Variants in NOS1 observed in about 807,000 individuals in gnomAD.
The protein encoded by NOS1 is NOS type I.
NOS1 carries 51 observed loss-of-function variants against 164.5 expected under a neutral mutation model. That is an observed-to-expected ratio of 0.31 (90% confidence interval 0.25 to 0.39). The LOEUF (loss-of-function observed/expected upper bound fraction) is 0.39, where lower values mean the gene tolerates loss of function less well. Among genes scored for constraint, NOS1 ranks in the 10% least tolerant of loss-of-function variants. The probability of loss-of-function intolerance (pLI) is 1.00; values close to 1 mark genes in which losing one functional copy is unlikely to be tolerated. For synonymous variants in NOS1, 719 were observed against 745.8 expected (o/e 0.96, Z 0.59); for missense variants, 1,362 against 1,885.6 (o/e 0.72, Z 5.14).
Position 117,211,283 on chromosome 12 carries a change from A to G in NOS1, c.*4026T>C. 2.0e-6 allele frequency: 2 copies of G among 985,236 alleles called. No homozygotes were observed. Among genetic ancestry groups the G allele is most frequent in the Non-Finnish European group, 2.4e-6 (2 of 829,960 alleles). The allele number at this position is 985,236 out of a possible 1,614,324, so 61.0% of individuals were successfully genotyped here. On this transcript the variant is annotated 3_prime_UTR_variant, in exon 29 of 29. Coordinates refer to ENST00000317775, the MANE Select transcript of NOS1 (RefSeq NM_000620.5). Reference sequence around the variant, plus strand: ...TGCAAGATGCTTTAATTTCTCCTTTATTCTCACCCTCTACAATGGATGGGG... The same window carrying G: ...TGCAAGATGCTTTAATTTCTCCTTTGTTCTCACCCTCTACAATGGATGGGG...
intron 2 of NOS1, among the ~76,000 whole-genome samples, chr12:117,313,492 C>T (rs1433147664): frequency 1.3e-5 from 2 of 152,128 alleles, no homozygotes; most frequent in African/African-American, 2.4e-5. Context: ...GACAGGGTCT[C>T]ACTGTGTTGT....
Position 117,220,287 on chromosome 12 carries a change from C to A in NOS1, c.3976-18G>T. ...ACGTACTTCTGCAAGGAGCAGAGAG[C>A]AGTGAGAAGGGGCTGGGCTGTGCAA... On this transcript the variant is annotated intron_variant, in intron 26 of 28. Transcript: ENST00000317775. 6.3e-7 allele frequency: 1 copy of A among 1,592,160 alleles called. No individual in the cohort carries two copies.
chr12:117,325,738 A>T (rs1273717263), intron 2 of NOS1, among the ~76,000 whole-genome samples: 1 of 152,228 alleles, frequency 6.6e-6, no homozygotes, highest in Non-Finnish European at 1.5e-5. Context: ...TGCATCACCA[A>T]GGCGACGCTG....
chr12:117,336,460 T>C (rs920735537), intron 1 of NOS1, among the ~76,000 whole-genome samples: 3 of 152,270 alleles, frequency 2.0e-5, no homozygotes, highest in East Asian at 3.9e-4. Flanking sequence ...TTGACACACA[T>C]GGCCATTGAG....
chr12:117,240,206 C>A (rs1218846200), intron 20 of NOS1, among the ~76,000 whole-genome samples: 1 of 152,114 alleles, frequency 6.6e-6, no homozygotes, highest in Non-Finnish European at 1.5e-5. Context: ...ATATGGAGCC[C>A]CTCTCTGCAT....
Position 117,331,823 on chromosome 12 carries a change from T to C in NOS1, c.-420-334A>G, listed in dbSNP as rs539474193. Among the ~76,000 whole-genome samples, 3 of 152,000 alleles carry C rather than the reference T, an allele frequency of 2.0e-5. No individual in the cohort carries two copies. The East Asian group carries it at 5.8e-4, about 29-fold the overall frequency. ...CTTATCTCTTTCCCACCACGAGAGG[T>C]CATCAGTCCAACTTGTCAAGCATTC... On this transcript the variant is annotated intron_variant, in intron 1 of 28. Coordinates refer to ENST00000317775, the MANE Select transcript of NOS1 (RefSeq NM_000620.5).
chr12:117,360,930 G>C (rs2136103251), intron 1 of NOS1, among the ~76,000 whole-genome samples: 1 of 152,304 alleles, frequency 6.6e-6, no homozygotes, highest in Middle Eastern at 3.4e-3. Flanking sequence ...GTCTTGCAAA[G>C]TTGGAGCCTG....
intron 3 of NOS1, among the ~76,000 whole-genome samples, 186 bp downstream of exon 3, chr12:117,311,280 C>G (rs1485289693): frequency 2.0e-5 from 3 of 152,006 alleles, no homozygotes; most frequent in African/African-American, 7.3e-5. Context: ...CACACAAAAA[C>G]AAAGTCGAGA....
At position 117,243,491 on chromosome 12, in the gene NOS1, C is replaced by T; in HGVS notation, c.2824-56G>A. 3.8e-6 allele frequency: 6 copies of T among 1,594,612 alleles called. No individual in the cohort carries two copies. The highest frequency in any genetic ancestry group is 5.1e-6 in the Non-Finnish European group (6 of 1,168,322). On this transcript the variant is annotated intron_variant, in intron 18 of 28. Transcript: ENST00000317775. This position sits in a 1 kb window ranked among gnomAD's most constrained non-coding sequence, Gnocchi z 4.3. ...CTTTCAGCCAAGCGGATCTCCTCTC[C>T]AACAGCTCCAAGTCATGGCATGTAT...
rs377635057 is a variant in NOS1 at position 117,280,717 on chromosome 12, G to A, written c.1524+8C>T. 1.6e-5 allele frequency: 26 copies of A among 1,611,978 alleles called. No homozygotes were observed. Among genetic ancestry groups the A allele is most frequent in the Non-Finnish European group, 2.0e-5 (24 of 1,178,674 alleles). ...TTGGGGCAGGGTAGGGGGCGGAAAC[G>A]CTCGCACCTCTGTGAACTGCACATT... On this transcript the variant is annotated splice_region_variant and intron_variant, in intron 8 of 28. Transcript: ENST00000317775.
intron 26 of NOS1, 75 bp from the exon 27 acceptor site, chr12:117,220,344 A>C: frequency 6.9e-7 from 1 of 1,439,004 alleles, no homozygotes; most frequent in Non-Finnish European, 9.3e-7. Context: ...CTGCCCAGGA[A>C]GCAGAGCCTG....
chr12:117,300,261 G>A (rs765571887), intron 3 of NOS1, among the ~76,000 whole-genome samples: 150 of 152,174 alleles, frequency 9.9e-4, no homozygotes, highest in Admixed American at 2.2e-3. Context: ...ATGGGGTGAC[G>A]CAGTGAAGGA....
intron 3 of NOS1, among the ~76,000 whole-genome samples, chr12:117,292,442 A>T (rs1469269592): frequency 6.6e-6 from 1 of 152,216 alleles, no homozygotes; most frequent in Non-Finnish European, 1.5e-5. Context: ...GGAGGAGCTC[A>T]GGCTGGTGAC....
chr12:117,269,739 T>A (rs1379743341), intron 10 of NOS1, among the ~76,000 whole-genome samples: 1 of 152,174 alleles, frequency 6.6e-6, no homozygotes, highest in Non-Finnish European at 1.5e-5. Flanking sequence ...GTGCTGGGAT[T>A]ACAGGCGTGA....
chr12:117,241,526 C>G (rs913849271), intron 20 of NOS1, among the ~76,000 whole-genome samples: 5 of 150,312 alleles, frequency 3.3e-5, no homozygotes, highest in African/African-American at 1.2e-4. Flanking sequence ...CCTGGTGAAC[C>G]AAGCACAGCA....
rs41459647 is a variant in NOS1, at chr12:117,330,920, G to A, written c.150C>T (p.Gly50=). ...GGATGAGGCCACTCTGCTCTGCGGCGCCCCCACGAATCAGGTCAGAGATGA... is the reference window on the plus strand; with the variant it reads ...GGATGAGGCCACTCTGCTCTGCGGCACCCCCACGAATCAGGTCAGAGATGA... ...PVIISDLIRG[G]AAEQSGLIQA... The change falls in exon 2 of 29, where the codon GGC becomes GGT. Residue 50 remains glycine (G), a synonymous_variant. Coordinates refer to ENST00000317775, the MANE Select transcript of NOS1 (RefSeq NM_000620.5). This position sits in a 1 kb window ranked among gnomAD's most constrained non-coding sequence, Gnocchi z 4.6. 6.6e-5 allele frequency: 106 copies of A among 1,614,002 alleles called. No homozygotes were observed. The Admixed American group carries it at 1.0e-3, about 16-fold the overall frequency.
intron 17 of NOS1, among the ~76,000 whole-genome samples, chr12:117,250,327 C>CT (rs556629285): frequency 0.16 from 20,508 of 130,144 alleles, 2,157 homozygotes; most frequent in African/African-American, 0.29. Flanking sequence ...TTGCCATTTA[C>CT]TTTTTTTTTT....
At chr12:117,348,058 G>T (rs2136090765) in intron 1 of NOS1, 3 of 143,822 alleles carry the variant, frequency 2.1e-5, no homozygotes, top group African/African-American at 7.9e-5. Context: ...CTACCTGGGG[G>T]TTACCTGAAC....
intron 1 of NOS1, among the ~76,000 whole-genome samples, chr12:117,348,688 T>TA (rs1307171251): frequency 7.2e-5 from 11 of 152,198 alleles, no homozygotes; most frequent in Non-Finnish European, 1.5e-4. Context: ...GTAAATTTTT[T>TA]AAAAAATGGC....
Sources: gnomAD v4.1 joint callset for allele counts (sites outside exome capture counted in the v4.1 genomes callset) on GRCh38, gnomAD v4.1.1 for gene constraint, Gnocchi (gnomAD v3.1) non-coding constraint, MANE v1.5 for transcripts, NCBI Gene and HGNC (gene_info 2026-07-23, HGNC 2026-07-21) for gene names.